ZNF268: variants seen among roughly 807,000 people sequenced by gnomAD.
ZNF268 encodes zinc finger protein 3.
In ZNF268, 20 loss-of-function variants were observed where a neutral mutation model predicts 29.3. The observed-to-expected ratio is 0.68, with a 90% confidence interval of 0.48 to 0.99. The LOEUF is 0.99. Ranked by LOEUF, ZNF268 falls within the 50% of genes least tolerant of loss-of-function variation. The pLI is 0.00. For missense variants in ZNF268, 1,240 were observed against 1,121.6 expected (o/e 1.11, Z -1.51); for synonymous variants, 429 against 376.9 (o/e 1.14, Z -1.60).
In ZNF268 at chr12:133,208,483, A is replaced by C. The variant is rs1956937941; in HGVS notation, c.*3953A>C. The C allele has an allele frequency of 1.3e-5, 2 of 151,952 alleles. No homozygotes were observed. Among genetic ancestry groups the C allele is most frequent in the Non-Finnish European group, 2.9e-5 (2 of 68,036 alleles). The allele number at this position is 151,952 out of a possible 1,614,324, so 9.4% of individuals were successfully genotyped here. On this transcript the variant is annotated 3_prime_UTR_variant, in exon 6 of 6. Coordinates refer to ENST00000536435, the MANE Select transcript of ZNF268 (RefSeq NM_003415.3). ...TGCACTCCAGGCTGGGCGACAGAAC[A>C]AGCCTCCATCTCAAAAAAAAGATCA...
At chr12:133,200,036 C>G (rs370760724) in intron 5 of ZNF268, among the ~76,000 whole-genome samples, 7 of 151,952 alleles carry the variant, frequency 4.6e-5, no homozygotes, top group African/African-American at 1.7e-4. Flanking sequence ...CTTCAGTTCT[C>G]CTCTGATTTT....
chr12:133,189,648 G>T (rs1956414583), intron 3 of ZNF268, among the ~76,000 whole-genome samples: 1 of 152,052 alleles, frequency 6.6e-6, no homozygotes, highest in Admixed American at 6.6e-5. Context: ...AGGTTTTTTG[G>T]TATTTTCTTC....
Position 133,210,659 on chromosome 12 carries a change from CCTG to C in ZNF268, c.*6130_*6132del. On this transcript the variant is annotated 3_prime_UTR_variant, in exon 6 of 6. Transcript: ENST00000536435. ...GAAGTGCCCTCGGGGGTCTCCGGGT[CCTG>C]AGTAGAAGCAAGGTCTGTTTGTCAC... 1 of 357,178 alleles carries C rather than the reference CCTG, an allele frequency of 2.8e-6. No homozygotes were observed. The highest frequency in any genetic ancestry group is 3.6e-5 in the Admixed American group (1 of 27,760). The allele number at this position is 357,178 out of a possible 1,614,324, so 22.1% of individuals were successfully genotyped here.
Position 133,187,943 on chromosome 12 carries a change from G to C in ZNF268, c.105G>C (p.Leu35Phe), listed in dbSNP as rs1357030506. The change falls in exon 3 of 6, where the codon TTG becomes TTC. Residue 35 changes from leucine to phenylalanine, a missense_variant. By Grantham distance (22) the Leu-to-Phe change is conservative (BLOSUM62 0). Around this residue, in one of 3 missense-constraint regions of ZNF268, gnomAD observed 51 missense variants for 51.4 expected, o/e 0.99. Transcript: ENST00000536435. ...IRKLQGQESI[L>F]GQGTPGLQPL... ...AGCTCCAAGGTCAGGAATCCATCTTGGGCCAAGGGACTCCTGGTCTGCAAC... is the reference window on the plus strand; with the variant it reads ...AGCTCCAAGGTCAGGAATCCATCTTCGGCCAAGGGACTCCTGGTCTGCAAC... 6.2e-7 allele frequency: 1 copy of C among 1,600,268 alleles called. No homozygotes were observed. The highest frequency in any genetic ancestry group is 2.2e-5 in the East Asian group (1 of 44,482).
At position 133,207,493 on chromosome 12, in the gene ZNF268, A is replaced by G. The variant is rs888276415; in HGVS notation, c.*2963A>G. The G allele has an allele frequency of 5.9e-5, 9 of 152,240 alleles. No individual in the cohort carries two copies. The highest frequency in any genetic ancestry group is 1.2e-4 in the Non-Finnish European group (8 of 68,058). The allele number at this position is 152,240 out of a possible 1,614,324, so 9.4% of individuals were successfully genotyped here. ...ACCAGCAGAATCACTATTATTTATA[A>G]TGGCAGTATGCCCACTTAAAAAGAG... On this transcript the variant is annotated 3_prime_UTR_variant, in exon 6 of 6. Transcript: ENST00000536435.
chr12:133,185,340 A>G (rs934973184), intron 2 of ZNF268, among the ~76,000 whole-genome samples: 1 of 152,188 alleles, frequency 6.6e-6, no homozygotes, highest in Non-Finnish European at 1.5e-5. Flanking sequence ...GGATGGGAAC[A>G]GCCAGGGCCA....
intron 2 of ZNF268, among the ~76,000 whole-genome samples, chr12:133,186,001 A>G (rs1237268000): frequency 3.3e-5 from 5 of 152,170 alleles, no homozygotes; most frequent in Admixed American, 2.6e-4. Context: ...CTCAGTGTCT[A>G]CTACGTATGA....
Position 133,191,606 on chromosome 12 carries a change from G to T in ZNF268, c.352G>T (p.Val118Leu), listed in dbSNP as rs1956478034. The change falls in exon 4 of 6, where the codon GTG becomes TTG. Residue 118 changes from valine to leucine, a missense_variant. Around this residue, in one of 3 missense-constraint regions of ZNF268, gnomAD observed 1,177 missense variants for 1,039.6 expected, o/e 1.13. Coordinates refer to ENST00000536435, the MANE Select transcript of ZNF268 (RefSeq NM_003415.3). ...GATGTTGGAGAACTATAGCAACCTG[G>T]TGTCCCTAGGTAAGTGCTGCCTCCC... is the stretch of plus-strand genomic sequence containing the variant. The part of the protein sequence containing the change: ...SVMLENYSNL[V>L]SLGYQHTKPD... The T allele has an allele frequency of 6.2e-7, 1 of 1,614,010 alleles. No homozygotes were observed. The highest frequency in any genetic ancestry group is 2.2e-5 in the East Asian group (1 of 44,864).
chr12:133,202,411 C>T lies in ZNF268; in HGVS notation c.725C>T (p.Thr242Ile). Reference protein sequence around the residue: ...KSFFHSKHEQTVIGIKYCESI... With the variant: ...KSFFHSKHEQIVIGIKYCESI... ...TTCTTCCATTCTAAACATGAGCAAA[C>T]TGTTATTGGAATAAAATACTGTGAA... is the stretch of plus-strand genomic sequence containing the variant. The change falls in exon 6 of 6, where the codon ACT becomes ATT. Residue 242 changes from threonine to isoleucine, a missense_variant. By Grantham distance (89) the Thr-to-Ile change is moderately conservative. Coordinates refer to ENST00000536435, the MANE Select transcript of ZNF268 (RefSeq NM_003415.3). 6.2e-7 allele frequency: 1 copy of T among 1,610,956 alleles called. No homozygotes were observed. Among genetic ancestry groups the T allele is most frequent in the Non-Finnish European group, 8.5e-7 (1 of 1,178,384 alleles).
intron 3 of ZNF268, among the ~76,000 whole-genome samples, chr12:133,189,802 G>A (rs1956418604): frequency 6.6e-6 from 1 of 152,000 alleles, no homozygotes; most frequent in Non-Finnish European, 1.5e-5. Context: ...TAATAATTAA[G>A]CTTATCTGTT....
chr12:133,201,137 A>T (rs890510011), intron 5 of ZNF268, among the ~76,000 whole-genome samples: 2 of 151,972 alleles, frequency 1.3e-5, no homozygotes, highest in Non-Finnish European at 2.9e-5. Context: ...TGCTAATTTA[A>T]TTTTGTTACC....
At chr12:133,192,268 C>T (rs535573594) in intron 5 of ZNF268, among the ~76,000 whole-genome samples, 97 of 151,832 alleles carry the variant, frequency 6.4e-4, no homozygotes, top group African/African-American at 2.0e-3. Flanking sequence ...CCACCATGCC[C>T]GGCCAATTTT....
chr12:133,202,733 A>G lies in ZNF268; in HGVS notation c.1047A>G (p.Ile349Met). The change falls in exon 6 of 6, where the codon ATA (isoleucine) becomes ATG (methionine). Residue 349 changes from isoleucine (I) to methionine (M), a missense_variant. Ile to Met is a conservative substitution (Grantham distance 10). Around this residue, in one of 3 missense-constraint regions of ZNF268, gnomAD observed 1,177 missense variants for 1,039.6 expected, o/e 1.13. Transcript: ENST00000536435. ...TCAGTTTCCATTCACAGCTTGTTAT[A>G]CATCAGAGAATTCACACAGGTGAGA... Reference protein sequence around the residue: ...KTFSFHSQLVIHQRIHTGENP... With the variant: ...KTFSFHSQLVMHQRIHTGENP... 1 of 1,612,038 alleles carries G rather than the reference A, an allele frequency of 6.2e-7. No individual in the cohort carries two copies. Among genetic ancestry groups the G allele is most frequent in the Non-Finnish European group, 8.5e-7 (1 of 1,179,256 alleles).
chr12:133,205,106 A>G lies in ZNF268; in HGVS notation c.*576A>G, dbSNP rs1267204350. Reference sequence around the variant, plus strand: ...ATCTTATGAATGTACCAAATAAACCACAGCTGGACTGTTAACCTCACCTTA... The same window carrying G: ...ATCTTATGAATGTACCAAATAAACCGCAGCTGGACTGTTAACCTCACCTTA... On this transcript the variant is annotated 3_prime_UTR_variant, in exon 6 of 6. Coordinates refer to ENST00000536435, the MANE Select transcript of ZNF268 (RefSeq NM_003415.3). 1 of 141,234 alleles carries G rather than the reference A, an allele frequency of 7.1e-6. No individual in the cohort carries two copies. Among genetic ancestry groups the G allele is most frequent in the Non-Finnish European group, 1.5e-5 (1 of 65,396 alleles). 8.7% of individuals were successfully genotyped at this position (141,234 alleles called of 1,614,324 possible). A position where few individuals can be genotyped will look rare whatever the true frequency, so the allele number is the denominator to read the frequency against.
In ZNF268 at chr12:133,203,497, G is replaced by C; in HGVS notation, c.1811G>C (p.Arg604Thr). The C allele has an allele frequency of 6.5e-7, 1 of 1,543,916 alleles. No homozygotes were observed. The highest frequency in any genetic ancestry group is 8.7e-7 in the Non-Finnish European group (1 of 1,148,958). Residue 604 changes from arginine to threonine, a missense_variant, in exon 6 of 6, where the codon AGA (arginine) becomes ACA (threonine). Coordinates refer to ENST00000536435, the MANE Select transcript of ZNF268 (RefSeq NM_003415.3). ...AAGTCACAGCTTATTATACACCAGA[G>C]AACTCATACAGGGGAGAAACCATTT... Reference protein sequence around the residue: ...GLKSQLIIHQRTHTGEKPFEC... With the variant: ...GLKSQLIIHQTTHTGEKPFEC...
intron 3 of ZNF268, among the ~76,000 whole-genome samples, chr12:133,190,910 G>A (rs1258033194): frequency 6.9e-6 from 1 of 145,942 alleles, no homozygotes; most frequent in Non-Finnish European, 1.5e-5. Flanking sequence ...GTTGGTAACT[G>A]TATTGCAGAT....
In ZNF268 at chr12:133,203,373, A is replaced by G. The variant is rs1435883657; in HGVS notation, c.1687A>G (p.Lys563Glu). Residue 563 changes from lysine (K) to glutamate (E), a missense_variant, in exon 6 of 6, where the codon AAA becomes GAA. Lys to Glu is a moderately conservative substitution (Grantham distance 56, BLOSUM62 1). This residue lies in a region of ZNF268 where 1,177 missense variants were observed against 1,039.6 expected (regional missense o/e 1.13). Coordinates refer to ENST00000536435, the MANE Select transcript of ZNF268 (RefSeq NM_003415.3). ...CCCCTATGAATGCCATGAATGTGGGAAAGCCTTCAGTCGGAAATACCAGCT... is the reference window on the plus strand; with the variant it reads ...CCCCTATGAATGCCATGAATGTGGGGAAGCCTTCAGTCGGAAATACCAGCT... ...ENPYECHECG[K>E]AFSRKYQLIS... 3.2e-6 allele frequency: 5 copies of G among 1,549,026 alleles called. No homozygotes were observed. The highest frequency in any genetic ancestry group is 1.4e-5 in the African/African-American group (1 of 73,300).
At position 133,203,559 on chromosome 12, in the gene ZNF268, T is replaced by G. The variant is rs758227821; in HGVS notation, c.1873T>G (p.Ser625Ala). Residue 625 changes from serine to alanine, a missense_variant, in exon 6 of 6, where the codon TCA (serine) becomes GCA (alanine). By Grantham distance (99) the Ser-to-Ala change is moderately conservative. Coordinates refer to ENST00000536435, the MANE Select transcript of ZNF268 (RefSeq NM_003415.3). ...SECQKAFNTK[S>A]NLIVHQRTHT... ...GTGTCAGAAAGCCTTTAATACAAAG[T>G]CAAACCTGATTGTACATCAGAGAAC... 2 of 1,558,512 alleles carry G rather than the reference T, an allele frequency of 1.3e-6. No individual in the cohort carries two copies. Among genetic ancestry groups the G allele is most frequent in the Non-Finnish European group, 1.7e-6 (2 of 1,155,056 alleles).
At position 133,214,754 on chromosome 12, in the gene ZNF268, G is replaced by C. The variant is rs914562861; in HGVS notation, c.*10224G>C. On this transcript the variant is annotated 3_prime_UTR_variant, in exon 6 of 6. Transcript: ENST00000536435. ...GCACAATGTTGTGCATGGACTAAAT[G>C]TCACAGAAATGTACATTTTTAAAAG... 1 of 152,158 alleles carries C rather than the reference G, an allele frequency of 6.6e-6. No homozygotes were observed. The highest frequency in any genetic ancestry group is 2.4e-5 in the African/African-American group (1 of 41,430). 9.4% of individuals were successfully genotyped at this position (152,158 alleles called of 1,614,324 possible).
Sources: gnomAD v4.1 joint callset for allele counts (sites outside exome capture counted in the v4.1 genomes callset) on GRCh38, gnomAD v4.1.1 for gene constraint, gnomAD v4.1.1 regional missense constraint, MANE v1.5 for transcripts, NCBI Gene and HGNC (gene_info 2026-07-23, HGNC 2026-07-21) for gene names.